The following TACR3 variants were observed in gnomAD, a reference collection of about 807,000 sequenced individuals.
TACR3 encodes tachykinin receptor 3.
Under a neutral mutation model 35.0 loss-of-function variants are expected in TACR3, and 34 were observed. That is an observed-to-expected ratio of 0.97 (90% CI 0.74 to 1.30). The LOEUF is 1.30. TACR3 is among the 50% of genes most tolerant of loss of function. The pLI is 0.00. For missense variants in TACR3, 558 were observed against 591.7 expected, an observed-to-expected ratio of 0.94 and a Z score of 0.59; for synonymous variants, 233 against 221.1, an observed-to-expected ratio of 1.05 and a Z score of -0.48.
intron 1 of TACR3, among the ~76,000 whole-genome samples, chr4:103,682,715 C>A (rs1050188817): frequency 2.6e-5 from 4 of 152,082 alleles, no homozygotes; most frequent in African/African-American, 7.2e-5. Context: ...GTAATGAGGA[C>A]AACTTAGCTG....
intron 3 of TACR3, among the ~76,000 whole-genome samples, chr4:103,641,710 G>T (rs930298780): frequency 2.2e-4 from 34 of 151,886 alleles, no homozygotes; most frequent in Admixed American, 6.6e-4. Flanking sequence ...CAATAGCCAA[G>T]ATATGTAATC....
intron 3 of TACR3, among the ~76,000 whole-genome samples, chr4:103,605,540 T>A (rs1252551087): frequency 6.7e-6 from 1 of 149,956 alleles, no homozygotes; most frequent in Non-Finnish European, 1.5e-5. Flanking sequence ...TGAGATAGTA[T>A]CTCATTGTGG....
intron 3 of TACR3, among the ~76,000 whole-genome samples, chr4:103,604,050 A>G (rs377482583): frequency 1.3e-5 from 2 of 152,346 alleles, no homozygotes; most frequent in East Asian, 3.9e-4. Context: ...TTTAAATTTC[A>G]TATGGGACCA....
intron 4 of TACR3, among the ~76,000 whole-genome samples, chr4:103,590,294 A>G (rs1723865435): frequency 6.6e-6 from 1 of 152,230 alleles, no homozygotes; most frequent in South Asian, 2.1e-4. Context: ...AATATGTTAA[A>G]GAAACAGTAC....
intron 1 of TACR3, among the ~76,000 whole-genome samples, chr4:103,707,069 T>C (rs1263593828): frequency 6.6e-6 from 1 of 152,226 alleles, no homozygotes; most frequent in Non-Finnish European, 1.5e-5. Context: ...TACCATGGCT[T>C]TGGCCCACTC....
intron 3 of TACR3, 22 bp downstream of exon 3, chr4:103,656,172 G>A (rs1317309513): frequency 4.3e-6 from 7 of 1,612,070 alleles, no homozygotes; most frequent in Non-Finnish European, 5.9e-6. Flanking sequence ...ACAAATGCTA[G>A]GTAAACAACA....
chr4:103,628,954 C>T (rs1724979876), intron 3 of TACR3, among the ~76,000 whole-genome samples: 3 of 152,188 alleles, frequency 2.0e-5, no homozygotes. Context: ...ATCAAGTCAG[C>T]TTCATCCCTG....
intron 3 of TACR3, among the ~76,000 whole-genome samples, chr4:103,641,761 G>T (rs1418841159): frequency 6.6e-6 from 1 of 151,844 alleles, no homozygotes; most frequent in Non-Finnish European, 1.5e-5. Flanking sequence ...TAAAAAACGT[G>T]GCATATACAC....
At chr4:103,599,850 G>T (rs10129723) in intron 3 of TACR3, among the ~76,000 whole-genome samples, 4 of 152,140 alleles carry the variant, frequency 2.6e-5, no homozygotes, top group East Asian at 1.9e-4. Context: ...TGCTGGATTC[G>T]GTTTGCCAGT....
At chr4:103,618,564 C>CTTTTTTTTTTTTTTTTT (rs57837921) in intron 3 of TACR3, among the ~76,000 whole-genome samples, 2 of 61,446 alleles carry the variant, frequency 3.3e-5, no homozygotes, top group African/African-American at 9.1e-5. Flanking sequence ...GTGACTTGGG[C>CTTTTTTTTTTTTTTTTT]TTTTTTTTTT....
intron 3 of TACR3, among the ~76,000 whole-genome samples, chr4:103,607,725 G>A (rs1724414385): frequency 6.6e-6 from 1 of 152,098 alleles, no homozygotes; most frequent in South Asian, 2.1e-4. Context: ...ATTACTCAGA[G>A]AATAGAGAGT....
At chr4:103,693,281 A>C (rs1210647325) in intron 1 of TACR3, among the ~76,000 whole-genome samples, 1 of 152,164 alleles carries the variant, frequency 6.6e-6, no homozygotes, top group Non-Finnish European at 1.5e-5. Context: ...TCTATTTTGA[A>C]ACTGTATTGT....
intron 1 of TACR3, among the ~76,000 whole-genome samples, chr4:103,667,753 T>A (rs935697202): frequency 1.3e-5 from 2 of 152,176 alleles, no homozygotes; most frequent in African/African-American, 4.8e-5. Context: ...TAACAAAGAT[T>A]AAAACAAATT....
At chr4:103,700,623 G>A (rs1425373739) in intron 1 of TACR3, among the ~76,000 whole-genome samples, 2 of 152,100 alleles carry the variant, frequency 1.3e-5, no homozygotes, top group Admixed American at 1.3e-4. Flanking sequence ...ATATTATGAT[G>A]TTACCAGGAC....
intron 3 of TACR3, among the ~76,000 whole-genome samples, chr4:103,621,019 G>A (rs982075445): frequency 2.6e-5 from 4 of 152,186 alleles, no homozygotes; most frequent in Non-Finnish European, 4.4e-5. Flanking sequence ...CTGCTCTTCA[G>A]TTTGGTAAAA....
At position 103,589,778 on chromosome 4, in the gene TACR3, T is replaced by C. The variant is rs1723852476; in HGVS notation, c.1302A>G (p.Pro434=). The stretch of plus-strand genomic sequence containing the variant: ...TCCTGCGAGAGCAGCCATTGAAACT[T>C]GGGTCTCTTGGCGTTGCTCTTTTCT... ...SRKKRATPRD[P]SFNGCSRRNS... The change falls in exon 5 of 5, where the codon CCA becomes CCG. Residue 434 remains proline (P), a synonymous_variant. Transcript: ENST00000304883. The C allele has an allele frequency of 6.2e-7, 1 of 1,613,948 alleles. No homozygotes were observed. Among genetic ancestry groups the C allele is most frequent in the East Asian group, 2.2e-5 (1 of 44,874 alleles).
In TACR3 at chr4:103,719,507, C is replaced by A; in HGVS notation, c.169G>T (p.Ala57Ser). The A allele has an allele frequency of 6.2e-7, 1 of 1,610,576 alleles. No individual in the cohort carries two copies. The highest frequency in any genetic ancestry group is 2.2e-5 in the East Asian group (1 of 44,790). Residue 57 changes from alanine (A) to serine (S), a missense_variant, in exon 1 of 5, where the codon GCG (alanine) becomes TCG (serine). By Grantham distance (99) the Ala-to-Ser change is moderately conservative. Coordinates refer to ENST00000304883, the MANE Select transcript of TACR3 (RefSeq NM_001059.3). The part of the protein sequence containing the change: ...QAGNLSSSPS[A>S]LGLPVASPAP... ...GGGGAAGCCACAGGCAGTCCCAGCG[C>A]GGAAGGGGAGGAGGAGAGGTTGCCA...
At chr4:103,662,377 C>T (rs182051181) in intron 1 of TACR3, among the ~76,000 whole-genome samples, 79 of 152,150 alleles carry the variant, frequency 5.2e-4, no homozygotes, top group Non-Finnish European at 9.1e-4. Flanking sequence ...CCCGCCACCA[C>T]GCCCGGCTAA....
chr4:103,615,450 G>A (rs1249851383), intron 3 of TACR3, among the ~76,000 whole-genome samples: 1 of 150,464 alleles, frequency 6.6e-6, no homozygotes. Flanking sequence ...GTTTGTTTTG[G>A]GAAGTGGCAT....
Sources: gnomAD v4.1 joint callset for allele counts (sites outside exome capture counted in the v4.1 genomes callset) on GRCh38, gnomAD v4.1.1 for gene constraint, MANE v1.5 for transcripts, NCBI Gene and HGNC (gene_info 2026-07-23, HGNC 2026-07-21) for gene names.